The following LEO1 variants were observed in gnomAD, a reference collection of about 807,000 sequenced individuals.
LEO1 encodes the protein LEO1 component of Paf1/RNA polymerase II complex.
LEO1 carries 34 observed loss-of-function variants against 80.4 expected under a neutral mutation model. The ratio of observed to expected loss-of-function variants is 0.42; its 90% CI spans 0.32 to 0.56. The LOEUF (loss-of-function observed/expected upper bound fraction) is 0.56. Among genes scored for constraint, LEO1 ranks in the 20% least tolerant of loss-of-function variants. The pLI is 0.10. For synonymous variants in LEO1, 262 were observed against 274.9 expected (o/e 0.95, Z 0.46); for missense variants, 631 against 814.2 (o/e 0.77, Z 2.74).
At chr15:51,939,658 T>C (rs531286213) in intron 11 of LEO1, among the ~76,000 whole-genome samples, 38 of 152,342 alleles carry the variant, frequency 2.5e-4, no homozygotes, top group African/African-American at 9.1e-4. Context: ...ATCACACTAC[T>C]TGTCTTTTAA....
intron 11 of LEO1, among the ~76,000 whole-genome samples, chr15:51,943,817 C>A (rs891774488): frequency 2.8e-5 from 4 of 142,450 alleles, no homozygotes; most frequent in African/African-American, 1.0e-4. Context: ...GGAATTCTTA[C>A]ACTGAAAGGG....
rs1364486160 is a variant in LEO1 at position 51,951,891 on chromosome 15, G to A, written c.1564C>T (p.Pro522Ser). Reference sequence around the variant, plus strand: ...CATTCAGGATCACGACCAGCCATTGGCAAGATTCTAATCTTCTGTGTCTTT... The same window carrying A: ...CATTCAGGATCACGACCAGCCATTGACAAGATTCTAATCTTCTGTGTCTTT... ...CSKTQKIRILPMAGRDPECQR... is the reference protein window; with the variant it reads ...CSKTQKIRILSMAGRDPECQR... The change falls in exon 9 of 12, where the codon CCA becomes TCA. Residue 522 changes from proline (P) to serine (S), a missense_variant. Physicochemically the swap from Pro to Ser is moderately conservative, Grantham distance 74. Around this residue, in one of 4 missense-constraint regions of LEO1, gnomAD observed 25 missense variants for 83.5 expected, o/e 0.30. Transcript: ENST00000299601. 2 of 1,613,572 alleles carry A rather than the reference G, an allele frequency of 1.2e-6. No homozygotes were observed. The highest frequency in any genetic ancestry group is 1.7e-6 in the Non-Finnish European group (2 of 1,179,628).
chr15:51,969,837 T>C (rs1412531651), intron 1 of LEO1, among the ~76,000 whole-genome samples: 2 of 50,920 alleles, frequency 3.9e-5, no homozygotes, highest in African/African-American at 1.6e-4. Flanking sequence ...TGAGACTCCG[T>C]TAAAAAAAAA....
intron 11 of LEO1, among the ~76,000 whole-genome samples, chr15:51,940,035 C>G (rs1037473214): frequency 6.6e-6 from 1 of 152,084 alleles, no homozygotes; most frequent in African/African-American, 2.4e-5. Flanking sequence ...GCGGGCAGAT[C>G]ACGAGGTCAG....
chr15:51,949,097 T>C, intron 10 of LEO1, among the ~76,000 whole-genome samples: 1 of 152,082 alleles, frequency 6.6e-6, no homozygotes, highest in East Asian at 1.9e-4. Flanking sequence ...AAATTCAGTA[T>C]GTGTGGAAAA....
chr15:51,963,973 G>A (rs1287105392), intron 2 of LEO1, among the ~76,000 whole-genome samples: 4 of 151,440 alleles, frequency 2.6e-5, no homozygotes, highest in Admixed American at 6.6e-5. Context: ...TTGGGAGGCC[G>A]AAGCAGGCGG....
chr15:51,951,483 T>C (rs1566882543), intron 9 of LEO1, among the ~76,000 whole-genome samples: 2 of 152,248 alleles, frequency 1.3e-5, no homozygotes, highest in Non-Finnish European at 2.9e-5. Context: ...TCCTGGTCTA[T>C]TCTCTATTTT....
intron 1 of LEO1, among the ~76,000 whole-genome samples, chr15:51,966,837 G>A (rs966279191): frequency 1.1e-4 from 17 of 152,054 alleles, no homozygotes; most frequent in Admixed American, 9.8e-4. Flanking sequence ...CTTGAACCCG[G>A]GAGGCAGAAG....
chr15:51,939,037 T>G (rs1399598623), intron 11 of LEO1, among the ~76,000 whole-genome samples: 1 of 151,922 alleles, frequency 6.6e-6, no homozygotes, highest in African/African-American at 2.4e-5. Flanking sequence ...ATACAAAAAT[T>G]AGCCAGGTGT....
intron 9 of LEO1, 75 bp downstream of exon 9, chr15:51,951,769 G>A (rs554060966): frequency 2.6e-5 from 35 of 1,346,202 alleles, no homozygotes; most frequent in East Asian, 2.1e-4. Flanking sequence ...AAGAGATGAC[G>A]AACAAGCATT....
chr15:51,939,239 G>A (rs1289182910), intron 11 of LEO1, among the ~76,000 whole-genome samples: 1 of 152,064 alleles, frequency 6.6e-6, no homozygotes, highest in Non-Finnish European at 1.5e-5. Context: ...TGAACAAATG[G>A]TTTGAAGGTT....
In LEO1 at chr15:51,965,739, A is replaced by T; in HGVS notation, c.814+10T>A. 1 of 1,592,560 alleles carries T rather than the reference A, an allele frequency of 6.3e-7. No homozygotes were observed. Among genetic ancestry groups the T allele is most frequent in the Non-Finnish European group, 8.5e-7 (1 of 1,170,352 alleles). On this transcript the variant is annotated intron_variant, in intron 2 of 11. Transcript: ENST00000299601. The stretch of plus-strand genomic sequence containing the variant: ...TTTCTGAGCCATTCTGGTTCTCATA[A>T]ATGTATTACCTGATTTATGATCCTG...
At chr15:51,952,501 C>A (rs889962375) in intron 8 of LEO1, among the ~76,000 whole-genome samples, 3 of 152,124 alleles carry the variant, frequency 2.0e-5, no homozygotes, top group African/African-American at 7.2e-5. Context: ...AAAGCTAAAT[C>A]ATAACCAACA....
At chr15:51,940,983 G>C (rs990481715) in intron 11 of LEO1, among the ~76,000 whole-genome samples, 2 of 152,008 alleles carry the variant, frequency 1.3e-5, no homozygotes, top group African/African-American at 4.8e-5. Flanking sequence ...TGAGGCAGGA[G>C]AATCACTTGA....
intron 11 of LEO1, among the ~76,000 whole-genome samples, 184 bp from the exon 12 acceptor site, chr15:51,938,444 C>T (rs1372041691): frequency 6.6e-6 from 1 of 152,228 alleles, no homozygotes; most frequent in Non-Finnish European, 1.5e-5. Context: ...AACCTTTGAA[C>T]ACAGAGTAGG....
chr15:51,963,883 CAG>C (rs1412983805), intron 2 of LEO1, among the ~76,000 whole-genome samples: 40 of 118,228 alleles, frequency 3.4e-4, no homozygotes, highest in African/African-American at 1.3e-3. Flanking sequence ...GCCTGGATGA[CAG>C]AGACTCTGTC....
At position 51,949,802 on chromosome 15, in the gene LEO1, A is replaced by T; in HGVS notation, c.1798+6T>A. Reference sequence around the variant, plus strand: ...TGATGAAATGTAATTTCCATACACGACTCACCTCGAATGCCCCCTTTATAT... The same window carrying T: ...TGATGAAATGTAATTTCCATACACGTCTCACCTCGAATGCCCCCTTTATAT... On this transcript the variant is annotated splice_donor_region_variant and intron_variant, in intron 10 of 11. Transcript: ENST00000299601. 6.2e-7 allele frequency: 1 copy of T among 1,611,468 alleles called. No individual in the cohort carries two copies. Among genetic ancestry groups the T allele is most frequent in the Non-Finnish European group, 8.5e-7 (1 of 1,178,814 alleles).
rs1178153221 is a variant in LEO1 at position 51,940,286 on chromosome 15, C to T, written c.1897-2026G>A. 4.7e-5 allele frequency among the ~76,000 whole-genome samples: 6 copies of T among 129,012 alleles called. No individual in the cohort carries two copies. The East Asian group carries it at 1.2e-3, about 25-fold the overall frequency. The allele number at this position is 129,012 out of a possible 152,430, so 84.6% of individuals were successfully genotyped here. A position where few individuals can be genotyped will look rare whatever the true frequency, so the allele number is the denominator to read the frequency against. The stretch of plus-strand genomic sequence containing the variant: ...AAAAAAAAAAAAAAAAAAGGTTGGG[C>T]GTGGTGGCTCACGCCTGTAATCCCA... On this transcript the variant is annotated intron_variant, in intron 11 of 11. Transcript: ENST00000299601.
chr15:51,967,208 C>T (rs2057084983), intron 1 of LEO1, among the ~76,000 whole-genome samples: 1 of 152,156 alleles, frequency 6.6e-6, no homozygotes, highest in Non-Finnish European at 1.5e-5. Context: ...CATGGTGGTT[C>T]ACACCTGTAA....
Sources: gnomAD v4.1 joint callset for allele counts (sites outside exome capture counted in the v4.1 genomes callset) on GRCh38, gnomAD v4.1.1 for gene constraint, gnomAD v4.1.1 regional missense constraint, MANE v1.5 for transcripts, NCBI Gene and HGNC (gene_info 2026-07-23, HGNC 2026-07-21) for gene names.